EBF2: variants seen among roughly 807,000 people sequenced by gnomAD.
EBF2 encodes EBF transcription factor 2, also known as transcription factor COE2.
In EBF2, 21 loss-of-function variants were observed where a neutral mutation model predicts 72.8. The ratio of observed to expected loss-of-function variants is 0.29; its 90% CI spans 0.20 to 0.42. EBF2 has a LOEUF of 0.42. Among genes scored for constraint, EBF2 ranks in the 10% least tolerant of loss-of-function variants. The pLI is 1.00. For missense variants in EBF2, 637 were observed against 731.2 expected (o/e 0.87, Z 1.49); for synonymous variants, 299 against 274.2 (o/e 1.09, Z -0.89).
At chr8:26,033,011 G>T in intron 6 of EBF2, 74 bp downstream of exon 6, 1 of 1,380,690 alleles carries the variant, frequency 7.2e-7, no homozygotes, top group Non-Finnish European at 1.0e-6. Context: ...AAAGCTCCAT[G>T]GATCAGTACT....
intron 6 of EBF2, among the ~76,000 whole-genome samples, chr8:25,958,171 T>C (rs964921053): frequency 6.6e-6 from 1 of 152,164 alleles, no homozygotes; most frequent in Non-Finnish European, 1.5e-5. Flanking sequence ...CCTGAGCAGA[T>C]TCCAAACAGA....
intron 7 of EBF2, among the ~76,000 whole-genome samples, 187 bp downstream of exon 7, chr8:25,908,287 C>T (rs998701842): frequency 3.9e-5 from 6 of 152,120 alleles, no homozygotes; most frequent in Admixed American, 3.9e-4. Flanking sequence ...GGGCAGAAAG[C>T]TTAAACACTA....
At chr8:25,956,964 C>T (rs918487726) in intron 6 of EBF2, among the ~76,000 whole-genome samples, 11 of 152,326 alleles carry the variant, frequency 7.2e-5, no homozygotes, top group African/African-American at 2.6e-4. Flanking sequence ...CAGATTGACG[C>T]ATTACCCACC....
At chr8:25,940,131 A>G (rs906911023) in intron 6 of EBF2, among the ~76,000 whole-genome samples, 1 of 152,246 alleles carries the variant, frequency 6.6e-6, no homozygotes, top group African/African-American at 2.4e-5. Flanking sequence ...ATGAAAGAAT[A>G]GACTATTAGA....
At position 26,044,874 on chromosome 8, in the gene EBF2, C is replaced by G. The variant is rs748168630; in HGVS notation, c.-15G>C. Reference sequence around the variant, plus strand: ...ATTCCAAACATTTAAAAAGTCTGATCCTCTACTGTCGCTTTAAAAGTAAGA... The same window carrying G: ...ATTCCAAACATTTAAAAAGTCTGATGCTCTACTGTCGCTTTAAAAGTAAGA... On this transcript the variant is annotated 5_prime_UTR_variant, in exon 1 of 16. Transcript: ENST00000520164. This position sits in a 1 kb window ranked among gnomAD's most constrained non-coding sequence, Gnocchi z 4.1. 1.2e-6 allele frequency: 2 copies of G among 1,613,256 alleles called. No individual in the cohort carries two copies. Among genetic ancestry groups the G allele is most frequent in the Non-Finnish European group, 1.7e-6 (2 of 1,179,494 alleles).
chr8:26,026,563 A>G (rs1805305326), intron 6 of EBF2, among the ~76,000 whole-genome samples: 1 of 151,822 alleles, frequency 6.6e-6, no homozygotes, highest in Non-Finnish European at 1.5e-5. Flanking sequence ...TGCACTATCC[A>G]CTCCTCAGTC....
intron 14 of EBF2, 136 bp downstream of exon 14, chr8:25,858,183 G>A (rs1215958593): frequency 2.7e-6 from 3 of 1,091,528 alleles, no homozygotes; most frequent in South Asian, 1.3e-5. Context: ...AGGCAGGAAG[G>A]ATGCTTAATC....
intron 10 of EBF2, among the ~76,000 whole-genome samples, chr8:25,868,936 G>A (rs75583267): frequency 6.6e-6 from 1 of 152,046 alleles, no homozygotes; most frequent in Admixed American, 6.6e-5. Context: ...TTTGTTGGCA[G>A]TTTATCATTT....
Position 25,989,625 on chromosome 8 carries a change from G to C in EBF2, c.551+43460C>G, listed in dbSNP as rs1461671196. The stretch of plus-strand genomic sequence containing the variant: ...AGATACATGACAACGCAAATGGCTT[G>C]CAGACAACTCTCCCACATTTACAAG... On this transcript the variant is annotated intron_variant, in intron 6 of 15. Transcript: ENST00000520164. Among the ~76,000 whole-genome samples, 5 of 152,340 alleles carry C rather than the reference G, an allele frequency of 3.3e-5. No individual in the cohort carries two copies. The East Asian group carries it at 5.8e-4, about 18-fold the overall frequency.
Position 26,033,097 on chromosome 8 carries a change from A to G in EBF2, c.539T>C (p.Val180Ala), listed in dbSNP as rs1428369984. 1.9e-6 allele frequency: 3 copies of G among 1,614,000 alleles called. No homozygotes were observed. The highest frequency in any genetic ancestry group is 4.5e-5 in the East Asian group (2 of 44,890). Residue 180 changes from valine to alanine, a missense_variant, in exon 6 of 16, where the codon GTC (valine) becomes GCC (alanine). By Grantham distance (64) the Val-to-Ala change is moderately conservative (BLOSUM62 0). Coordinates refer to ENST00000520164, the MANE Select transcript of EBF2 (RefSeq NM_022659.4). ...GNRNETPSDP[V>A]IIDRFFLKFF... ...TTTTTCCCCCTACCTGTCAATTATG[A>G]CTGGGTCCGATGGAGTCTCATTTCG...
intron 6 of EBF2, among the ~76,000 whole-genome samples, chr8:26,028,243 G>T (rs1805334715): frequency 6.6e-6 from 1 of 152,146 alleles, no homozygotes; most frequent in African/African-American, 2.4e-5. Flanking sequence ...GAAGGTCATT[G>T]TGTTGTTTGT....
At chr8:25,999,697 G>A (rs373878162) in intron 6 of EBF2, among the ~76,000 whole-genome samples, 1 of 143,646 alleles carries the variant, frequency 7.0e-6, no homozygotes, top group African/African-American at 2.6e-5. Flanking sequence ...ATCCACACAC[G>A]CCCTCTCCTG....
At chr8:26,022,783 C>A (rs1232861394) in intron 6 of EBF2, among the ~76,000 whole-genome samples, 2 of 152,096 alleles carry the variant, frequency 1.3e-5, no homozygotes, top group African/African-American at 4.8e-5. Flanking sequence ...GGAGGACAAC[C>A]ATTTCATCAA....
intron 10 of EBF2, among the ~76,000 whole-genome samples, chr8:25,870,895 A>C (rs1403794502): frequency 6.6e-6 from 1 of 152,164 alleles, no homozygotes; most frequent in Non-Finnish European, 1.5e-5. Flanking sequence ...GAGAGAGGAC[A>C]GTAAAACACA....
At chr8:25,980,205 T>C (rs1804337493) in intron 6 of EBF2, among the ~76,000 whole-genome samples, 1 of 152,140 alleles carries the variant, frequency 6.6e-6, no homozygotes, top group Admixed American at 6.5e-5. Context: ...AGAGTGAACC[T>C]TATTTGTTGC....
chr8:26,039,270 C>T (rs952503151), intron 5 of EBF2, among the ~76,000 whole-genome samples: 10 of 151,834 alleles, frequency 6.6e-5, no homozygotes, highest in African/African-American at 2.2e-4. Context: ...GGGGAATGCA[C>T]AGGACTCAAG....
At chr8:26,036,932 G>A (rs1027422710) in intron 5 of EBF2, among the ~76,000 whole-genome samples, 1 of 151,924 alleles carries the variant, frequency 6.6e-6, no homozygotes, top group African/African-American at 2.4e-5. Context: ...AAAACAAAGA[G>A]AAGAGGAAAC....
chr8:26,013,434 T>C lies in EBF2; in HGVS notation c.551+19651A>G, dbSNP rs532987111. Among the ~76,000 whole-genome samples the C allele has an allele frequency of 6.6e-5, 10 of 152,252 alleles. No homozygotes were observed. The East Asian group carries it at 1.9e-3, about 29-fold the overall frequency. On this transcript the variant is annotated intron_variant, in intron 6 of 15. Coordinates refer to ENST00000520164, the MANE Select transcript of EBF2 (RefSeq NM_022659.4). ...GGGTGCCTGCTCTAAGTGGAGTGCA[T>C]TGAAGAAGGAATATCAAGGCAGTGT...
intron 14 of EBF2, among the ~76,000 whole-genome samples, chr8:25,852,954 T>C (rs1365305315): frequency 6.6e-6 from 1 of 152,114 alleles, no homozygotes; most frequent in Non-Finnish European, 1.5e-5. Context: ...AGCACAGAAA[T>C]AGGCAGACAA....
Sources: allele counts gnomAD v4.1 joint callset (sites outside exome capture counted in the v4.1 genomes callset), GRCh38; gene constraint gnomAD v4.1.1; non-coding constraint Gnocchi (gnomAD v3.1); transcripts MANE v1.5; gene names NCBI Gene and HGNC (gene_info 2026-07-23, HGNC 2026-07-21).